The following PDE1A variants were observed in gnomAD, a reference collection of about 807,000 sequenced individuals.
The protein encoded by PDE1A is dual specificity calcium/calmodulin-dependent 3',5'-cyclic nucleotide phosphodiesterase 1A.
A neutral mutation model predicts 61.7 loss-of-function variants in PDE1A; 35 were observed. The ratio of observed to expected loss-of-function variants is 0.57; its 90% CI spans 0.43 to 0.75. The LOEUF is 0.75. Ranked by LOEUF, PDE1A falls within the 30% of genes least tolerant of loss-of-function variation. The pLI is 0.00. For missense variants in PDE1A, 597 were observed against 630.6 expected (o/e 0.95, Z 0.57); for synonymous variants, 232 against 213.2 (o/e 1.09, Z -0.77).
chr2:182,193,192 TG>T (rs1685858583), intron 10 of PDE1A, among the ~76,000 whole-genome samples: 1 of 152,078 alleles, frequency 6.6e-6, no homozygotes, highest in Non-Finnish European at 1.5e-5. Context: ...TTCACCATAT[TG>T]GCCAGGTTGG....
the PDE1A span, among the ~76,000 whole-genome samples, chr2:182,612,669 A>G: frequency 6.6e-6 from 1 of 152,200 alleles, no homozygotes; most frequent in African/African-American, 2.4e-5. Flanking sequence ...TTTCTTTTTC[A>G]TTGGGGCCTC....
At chr2:182,443,995 G>A (rs1337110443) in intron 2 of PDE1A, among the ~76,000 whole-genome samples, 2 of 151,974 alleles carry the variant, frequency 1.3e-5, no homozygotes, top group East Asian at 1.9e-4. Flanking sequence ...GAGCCACCGC[G>A]CCCGGCCAAA....
At chr2:182,311,226 C>G (rs1401941497) in intron 1 of PDE1A, among the ~76,000 whole-genome samples, 4 of 152,200 alleles carry the variant, frequency 2.6e-5, no homozygotes, top group Admixed American at 2.0e-4. Context: ...GATAGAAACT[C>G]TCTAACCAAG....
chr2:182,604,795 GT>G, the PDE1A span, among the ~76,000 whole-genome samples: 2 of 152,128 alleles, frequency 1.3e-5, no homozygotes, highest in East Asian at 3.9e-4. Flanking sequence ...TGAAAGCCAG[GT>G]TATATTGGTT....
At chr2:182,492,502 A>T (rs914386174) in intron 2 of PDE1A, among the ~76,000 whole-genome samples, 5 of 152,226 alleles carry the variant, frequency 3.3e-5, no homozygotes, top group African/African-American at 1.2e-4. Context: ...TAAAATTTTT[A>T]GTAATAGCAA....
the PDE1A span, among the ~76,000 whole-genome samples, chr2:182,576,772 C>T: frequency 6.6e-6 from 1 of 152,078 alleles, no homozygotes; most frequent in Non-Finnish European, 1.5e-5. Flanking sequence ...CAATTAAAGC[C>T]ATTAAAACCA....
the PDE1A span, among the ~76,000 whole-genome samples, chr2:182,654,868 G>C: frequency 1.3e-5 from 2 of 151,968 alleles, no homozygotes; most frequent in African/African-American, 2.4e-5. Flanking sequence ...ACCTCTAATG[G>C]GCTTTCCATG....
At chr2:182,681,588 AAAAC>A in the PDE1A span, among the ~76,000 whole-genome samples, 1 of 152,094 alleles carries the variant, frequency 6.6e-6, no homozygotes, top group Non-Finnish European at 1.5e-5. Flanking sequence ...AAAAAAAAAA[AAAAC>A]AGTTATTCAG....
the PDE1A span, among the ~76,000 whole-genome samples, chr2:182,706,149 A>G: frequency 2.0e-5 from 3 of 152,170 alleles, no homozygotes. Context: ...CTAGATCTAG[A>G]CACAGGGAAA....
intron 2 of PDE1A, among the ~76,000 whole-genome samples, chr2:182,442,639 A>T (rs1471974389): frequency 6.6e-6 from 1 of 152,110 alleles, no homozygotes; most frequent in African/African-American, 2.4e-5. Flanking sequence ...AAGAGAATAA[A>T]GACAATGATA....
At chr2:182,201,263 T>A (rs1686603630) in intron 10 of PDE1A, among the ~76,000 whole-genome samples, 176 bp downstream of exon 10, 1 of 152,176 alleles carries the variant, frequency 6.6e-6, no homozygotes, top group African/African-American at 2.4e-5. Context: ...TCACACTACA[T>A]AGACTTAATA....
At chr2:182,235,180 G>T (rs1689911099) in intron 3 of PDE1A, among the ~76,000 whole-genome samples, 1 of 152,196 alleles carries the variant, frequency 6.6e-6, no homozygotes, top group African/African-American at 2.4e-5. Flanking sequence ...GTCTCGCTCT[G>T]TTGCCCAAGC....
the PDE1A span, among the ~76,000 whole-genome samples, chr2:182,696,897 CTATA>C: frequency 2.6e-5 from 4 of 152,110 alleles, no homozygotes; most frequent in Admixed American, 2.0e-4. Context: ...AATCATATAA[CTATA>C]TAACAATAAA....
the PDE1A span, among the ~76,000 whole-genome samples, chr2:182,585,839 T>C: frequency 6.6e-6 from 1 of 152,232 alleles, no homozygotes; most frequent in African/African-American, 2.4e-5. Flanking sequence ...CCTTATGTAA[T>C]ATTTTAAACA....
At chr2:182,532,945 C>CAAAAA in the PDE1A span, among the ~76,000 whole-genome samples, 3,970 of 21,134 alleles carry the variant, frequency 0.19, 1,392 homozygotes, top group Non-Finnish European at 0.24. Flanking sequence ...GACTCCGTCT[C>CAAAAA]AAAAAAAAAA....
chr2:182,414,413 T>C lies in PDE1A; in HGVS notation c.53+12165A>G, dbSNP rs181347415. 9.8e-4 allele frequency among the ~76,000 whole-genome samples: 149 copies of C among 152,062 alleles called. 1 individual carries two copies. Among genetic ancestry groups the C allele is most frequent in the African/African-American group, 3.3e-3 (137 of 41,496 alleles). ...CCCAGAAACAACATCTACCTAGGAG[T>C]CCTAAGGCCACTATCTGCTCAGATA... On this transcript the variant is annotated intron_variant, in intron 1 of 13. Transcript: ENST00000351439.
intron 1 of PDE1A, among the ~76,000 whole-genome samples, chr2:182,419,197 T>C (rs1370028428): frequency 1.3e-5 from 2 of 152,224 alleles, no homozygotes; most frequent in Admixed American, 6.5e-5. Context: ...ATAATTCAAG[T>C]TGGTGCTAAC....
At chr2:182,546,182 A>T in the PDE1A span, among the ~76,000 whole-genome samples, 23 of 152,198 alleles carry the variant, frequency 1.5e-4, no homozygotes, top group African/African-American at 5.1e-4. Flanking sequence ...CAAAATACCA[A>T]GAAGAAGCAG....
chr2:182,488,946 T>C (rs942586352), intron 2 of PDE1A, among the ~76,000 whole-genome samples: 1 of 152,228 alleles, frequency 6.6e-6, no homozygotes, highest in Non-Finnish European at 1.5e-5. Context: ...CCTGCTTTTA[T>C]GAAGTTTGCT....
Sources: allele counts gnomAD v4.1 joint callset (sites outside exome capture counted in the v4.1 genomes callset), GRCh38; gene constraint gnomAD v4.1.1; transcripts MANE v1.5; gene names NCBI Gene and HGNC (gene_info 2026-07-23, HGNC 2026-07-21).